The following NDEL1 variants were observed in gnomAD, a reference collection of about 807,000 sequenced individuals.
The protein encoded by NDEL1 is nuclear distribution protein nudE-like 1.
In NDEL1, 9 loss-of-function variants were observed where a neutral mutation model predicts 45.7. The ratio of observed to expected loss-of-function variants is 0.20; its 90% CI spans 0.12 to 0.34. NDEL1 has a LOEUF of 0.34. NDEL1 is among the 10% of genes least tolerant of loss of function. The pLI, the probability that NDEL1 is intolerant of heterozygous loss-of-function variation, is 1.00. For missense variants in NDEL1, 306 were observed against 406.2 expected, an observed-to-expected ratio of 0.75 and a Z score of 2.12; for synonymous variants, 133 against 158.6, an observed-to-expected ratio of 0.84 and a Z score of 1.21.
At chr17:8,447,354 G>C (rs1290307056) in intron 4 of NDEL1, among the ~76,000 whole-genome samples, 1 of 152,186 alleles carries the variant, frequency 6.6e-6, no homozygotes, top group African/African-American at 2.4e-5. Flanking sequence ...TGTTGGCCAG[G>C]CTGGTCTTGA....
intron 8 of NDEL1, chr17:8,463,479 C>T (rs1911364262): frequency 1.3e-6 from 1 of 787,044 alleles, no homozygotes. Context: ...CAACTTACAG[C>T]CCATCAGTGA....
chr17:8,452,790 A>G (rs1910604857), intron 6 of NDEL1, among the ~76,000 whole-genome samples: 2 of 120,482 alleles, frequency 1.7e-5, no homozygotes, highest in Non-Finnish European at 3.2e-5. Flanking sequence ...CCCAGGCTAG[A>G]GTGCAATGGT....
intron 1 of NDEL1, among the ~76,000 whole-genome samples, chr17:8,439,005 G>A (rs1271328467): frequency 2.0e-5 from 3 of 148,236 alleles, no homozygotes; most frequent in East Asian, 3.9e-4. Flanking sequence ...GCGGTCGCGC[G>A]CTCTCGGCTC....
Position 8,421,880 on chromosome 17 carries a change from C to A in NDEL1, c.-13+8611C>A, listed in dbSNP as rs552134568. Reference sequence around the variant, plus strand: ...GGAGAGGAAGGGCTCTCTGCTCCACCGGGATGGTGCTTGGCTAGATGTCAG... The same window carrying A: ...GGAGAGGAAGGGCTCTCTGCTCCACAGGGATGGTGCTTGGCTAGATGTCAG... On this transcript the variant is annotated intron_variant, in intron 1 of 4. Transcript: ENST00000582812. 4.9e-4 allele frequency among the ~76,000 whole-genome samples: 74 copies of A among 152,338 alleles called. 1 individual carries two copies. Among genetic ancestry groups the A allele is most frequent in the Admixed American group, 1.2e-3 (18 of 15,306 alleles).
At chr17:8,466,709 C>T (rs1911617827) in intron 8 of NDEL1, 1 of 571,746 alleles carries the variant, frequency 1.7e-6, no homozygotes, top group Admixed American at 3.3e-5. Context: ...CGGCAGTTGC[C>T]AAACAGGTCA....
chr17:8,442,968 AT>A (rs1265893858), intron 1 of NDEL1, among the ~76,000 whole-genome samples: 1 of 151,566 alleles, frequency 6.6e-6, no homozygotes, highest in African/African-American at 2.4e-5. Flanking sequence ...TTTAGCAGAG[AT>A]GGGGTTTCAC....
intron 1 of NDEL1, among the ~76,000 whole-genome samples, chr17:8,417,297 A>G (rs1908567360): frequency 6.6e-6 from 1 of 151,596 alleles, no homozygotes; most frequent in East Asian, 1.9e-4. Context: ...TTGTATTTTG[A>G]CCTCAAGAGA....
chr17:8,449,199 TCTCGAA>T (rs1180846812), intron 5 of NDEL1, among the ~76,000 whole-genome samples: 2 of 152,208 alleles, frequency 1.3e-5, no homozygotes, highest in Non-Finnish European at 2.9e-5. Flanking sequence ...GCCAGGCTGA[TCTCGAA>T]CTCCTGACCT....
intron 1 of NDEL1, among the ~76,000 whole-genome samples, chr17:8,415,427 C>CATTTATTT (rs111333617): frequency 0.19 from 28,073 of 147,996 alleles, 2,832 homozygotes; most frequent in African/African-American, 0.25. Context: ...ATAGTTTTAA[C>CATTTATTT]ATTTATTTAT....
At chr17:8,439,355 C>T (rs542914709) in intron 1 of NDEL1, among the ~76,000 whole-genome samples, 1 of 152,006 alleles carries the variant, frequency 6.6e-6, no homozygotes, top group African/African-American at 2.4e-5. Context: ...ATTCTCCTGC[C>T]TCAGCCTCCT....
In NDEL1 at chr17:8,428,881, GC is replaced by G. The variant is rs540942670; in HGVS notation, c.-12-15377del. 1.1e-4 allele frequency among the ~76,000 whole-genome samples: 16 copies of G among 151,784 alleles called. No individual in the cohort carries two copies. In the South Asian group the frequency reaches 3.1e-3, roughly 30 times the overall value. On this transcript the variant is annotated intron_variant, in intron 1 of 4. Coordinates refer to the NDEL1 transcript ENST00000582812. ...GTAGAGACGGGGTTTCACCGTGTTA[GC>G]CAAGATGGTCTCGATCTCCTGACCT...
At chr17:8,415,550 C>T (rs1284407900) in intron 1 of NDEL1, among the ~76,000 whole-genome samples, 1 of 151,218 alleles carries the variant, frequency 6.6e-6, no homozygotes, top group African/African-American at 2.4e-5. Flanking sequence ...ATTCTCTTAG[C>T]TCAGCCTCCT....
chr17:8,430,397 G>GTGGGCCTGTGTGC (rs1484564269), intron 1 of NDEL1, among the ~76,000 whole-genome samples: 13 of 152,218 alleles, frequency 8.5e-5, no homozygotes, highest in African/African-American at 3.1e-4. Context: ...CATCTCGTCA[G>GTGGGCCTGTGTGC]AATTTCCACA....
At chr17:8,458,482 A>G (rs1910990520) in intron 7 of NDEL1, among the ~76,000 whole-genome samples, 1 of 152,044 alleles carries the variant, frequency 6.6e-6, no homozygotes. Flanking sequence ...CGTGTGATAG[A>G]TACTCAATAT....
At chr17:8,428,488 C>T (rs1908906044) in intron 1 of NDEL1, among the ~76,000 whole-genome samples, 1 of 151,398 alleles carries the variant, frequency 6.6e-6, no homozygotes, top group African/African-American at 2.4e-5. Context: ...CCTCAGCCTC[C>T]CGAGTAGCTG....
intron 1 of NDEL1, 166 bp from the exon 2 acceptor site, chr17:8,444,094 G>A (rs1375220381): frequency 1.8e-6 from 1 of 556,460 alleles, no homozygotes; most frequent in African/African-American, 1.9e-5. Context: ...TGAGAGTGGA[G>A]CAGTGGAGTG....
chr17:8,448,199 C>G (rs1215877001), intron 4 of NDEL1, among the ~76,000 whole-genome samples: 1 of 152,190 alleles, frequency 6.6e-6, no homozygotes, highest in African/African-American at 2.4e-5. Context: ...ATGTTTTAAA[C>G]AAACTCTTAC....
At chr17:8,463,672 G>C (rs1911390481) in intron 8 of NDEL1, among the ~76,000 whole-genome samples, 1 of 152,238 alleles carries the variant, frequency 6.6e-6, no homozygotes, top group African/African-American at 2.4e-5. Flanking sequence ...TGAGGTCACT[G>C]TCAGGCCCTG....
At chr17:8,437,647 C>G (rs1909437313) in intron 1 of NDEL1, among the ~76,000 whole-genome samples, 1 of 152,142 alleles carries the variant, frequency 6.6e-6, no homozygotes, top group Non-Finnish European at 1.5e-5. Flanking sequence ...AGTAGAATTT[C>G]AGTAAAAAGG....
Sources: gnomAD v4.1 joint callset for allele counts (sites outside exome capture counted in the v4.1 genomes callset) on GRCh38, gnomAD v4.1.1 for gene constraint, MANE v1.5 for transcripts, NCBI Gene and HGNC (gene_info 2026-07-23, HGNC 2026-07-21) for gene names.